The following CFAP47 variants were observed in gnomAD, a reference collection of about 807,000 sequenced individuals.
The protein encoded by CFAP47 is cilia and flagella associated protein 47.
CFAP47 carries 29 observed loss-of-function variants against 148.1 expected under a neutral mutation model. That is an observed-to-expected ratio of 0.20 (90% CI 0.15 to 0.27). The LOEUF is 0.27. CFAP47 is among the 10% of genes least tolerant of loss of function. CFAP47 has a pLI of 1.00. For synonymous variants in CFAP47, 664 were observed against 577.3 expected (o/e 1.15, Z -2.15); for missense variants, 1,872 against 1,697.5 (o/e 1.10, Z -1.81).
chrX:36,098,150 AT>A (rs999977687), intron 30 of CFAP47, among the ~76,000 whole-genome samples: 3 of 111,768 alleles, frequency 2.7e-5, no homozygotes, highest in Non-Finnish European at 5.7e-5. Flanking sequence ...TTCCTACTTG[AT>A]TTTTTTAAAT....
chrX:36,340,415 C>T (rs185615223), intron 57 of CFAP47, among the ~76,000 whole-genome samples: 2 of 111,911 alleles, frequency 1.8e-5, no homozygotes, highest in African/African-American at 6.5e-5. Flanking sequence ...GACTGAGTGA[C>T]TTAAATGAAA....
intron 56 of CFAP47, among the ~76,000 whole-genome samples, chrX:36,318,275 G>T (rs188445431): frequency 8.9e-6 from 1 of 112,290 alleles, no homozygotes; most frequent in East Asian, 2.8e-4. Flanking sequence ...AATGTAAGTA[G>T]AGCTTATCTT....
At chrX:36,299,226 T>C in intron 52 of CFAP47, 74 bp downstream of exon 52, 8 of 613,477 alleles carry the variant, frequency 1.3e-5, no homozygotes, top group Non-Finnish European at 1.8e-5. Context: ...TTTTTTCTTA[T>C]ACTATAATCA....
At chrX:35,982,884 G>C (rs1936665250) in intron 15 of CFAP47, among the ~76,000 whole-genome samples, 2 of 111,488 alleles carry the variant, frequency 1.8e-5, no homozygotes, top group Non-Finnish European at 3.8e-5. Context: ...TTTGAAGTTG[G>C]ATAATGTGAT....
chrX:36,385,289 G>A lies in CFAP47; in HGVS notation c.*283G>A, dbSNP rs991847086. The A allele has an allele frequency of 6.1e-5, 14 of 230,678 alleles. No homozygotes were observed. The highest frequency in any genetic ancestry group is 1.2e-4 in the African/African-American group (4 of 34,333). 19.0% of individuals were successfully genotyped at this position (230,678 alleles called of 1,213,427 possible). A position where few individuals can be genotyped will look rare whatever the true frequency, so the allele number is the denominator to read the frequency against. ...TGACAACAGTATTTCCAATAACAGC[G>A]TTGCTAATAAAGCTAAATGTCTCAT... On this transcript the variant is annotated 3_prime_UTR_variant, in exon 64 of 64. Coordinates refer to ENST00000378653, the MANE Select transcript of CFAP47 (RefSeq NM_001304548.2).
chrX:36,241,952 C>G (rs782789158), intron 48 of CFAP47, among the ~76,000 whole-genome samples: 10 of 111,705 alleles, frequency 9.0e-5, no homozygotes, highest in Non-Finnish European at 1.7e-4. Context: ...TCCCCACCCT[C>G]TCCCACCACA....
chrX:36,373,870 G>T (rs1556022402), intron 62 of CFAP47, among the ~76,000 whole-genome samples: 1 of 112,071 alleles, frequency 8.9e-6, no homozygotes, highest in Non-Finnish European at 1.9e-5. Flanking sequence ...CACGTTGATT[G>T]ATTTGCATAT....
At chrX:36,030,094 A>G (rs1307733311) in intron 22 of CFAP47, among the ~76,000 whole-genome samples, 4 of 110,170 alleles carry the variant, frequency 3.6e-5, no homozygotes, top group African/African-American at 1.3e-4. Flanking sequence ...GCTCATGTTT[A>G]TTAATACCTC....
chrX:36,250,544 G>A (rs1193997818), intron 48 of CFAP47, among the ~76,000 whole-genome samples: 1 of 110,418 alleles, frequency 9.1e-6, no homozygotes, highest in African/African-American at 3.3e-5. Flanking sequence ...TTCTTGAAAA[G>A]AGCTGAGAGA....
intron 32 of CFAP47, among the ~76,000 whole-genome samples, chrX:36,103,083 A>G (rs1029575292): frequency 9.0e-6 from 1 of 111,308 alleles, no homozygotes; most frequent in African/African-American, 3.3e-5. Flanking sequence ...ACTTAGAAAA[A>G]GAGCACTTTT....
chrX:35,958,348 C>T (rs769640523), intron 8 of CFAP47, among the ~76,000 whole-genome samples: 2 of 111,528 alleles, frequency 1.8e-5, no homozygotes, highest in Non-Finnish European at 3.8e-5. Context: ...CATTCATGTA[C>T]AACTTTTTGT....
intron 49 of CFAP47, among the ~76,000 whole-genome samples, chrX:36,280,196 G>A (rs1941063448): frequency 9.0e-6 from 1 of 110,969 alleles, no homozygotes; most frequent in Non-Finnish European, 1.9e-5. Flanking sequence ...TATTCTGAAA[G>A]TTGATGCATT....
At chrX:36,038,516 T>C (rs1044996851) in intron 24 of CFAP47, among the ~76,000 whole-genome samples, 1 of 111,888 alleles carries the variant, frequency 8.9e-6, no homozygotes, top group African/African-American at 3.2e-5. Flanking sequence ...ACCCTGGTAG[T>C]ATTTCTTAAA....
intron 57 of CFAP47, among the ~76,000 whole-genome samples, chrX:36,337,660 G>T (rs1366606078): frequency 2.7e-5 from 3 of 110,786 alleles, no homozygotes; most frequent in Middle Eastern, 4.7e-3. Context: ...CAAAACAGAG[G>T]CAAATTATCT....
At chrX:35,949,533 A>G (rs772627426) in intron 4 of CFAP47, among the ~76,000 whole-genome samples, 8 of 111,856 alleles carry the variant, frequency 7.2e-5, no homozygotes, top group Non-Finnish European at 1.5e-4. Flanking sequence ...GACTGATTGT[A>G]GCAAAGGAAG....
chrX:36,359,953 CTG>C (rs1456497997), intron 60 of CFAP47, among the ~76,000 whole-genome samples: 1 of 110,715 alleles, frequency 9.0e-6, no homozygotes, highest in Non-Finnish European at 1.9e-5. Context: ...CGGGGTTTCA[CTG>C]TGTTAGCCAG....
chrX:35,966,348 A>ATATTAGCTGCT (rs1936405136), intron 8 of CFAP47, among the ~76,000 whole-genome samples: 2 of 108,669 alleles, frequency 1.8e-5, no homozygotes, highest in Admixed American at 9.8e-5. Context: ...TATTTAAGAA[A>ATATTAGCTGCT]AATAAAAAAT....
intron 40 of CFAP47, among the ~76,000 whole-genome samples, chrX:36,187,456 T>A (rs1221603938): frequency 8.9e-6 from 1 of 111,852 alleles, no homozygotes; most frequent in African/African-American, 3.2e-5. Flanking sequence ...ATCTGTATAT[T>A]TTAATCAGGC....
At chrX:36,354,305 C>A (rs1308287249) in intron 60 of CFAP47, among the ~76,000 whole-genome samples, 1 of 108,623 alleles carries the variant, frequency 9.2e-6, no homozygotes, top group Non-Finnish European at 1.9e-5. Context: ...CATAGAGAAA[C>A]CCCGTCTCTA....
Sources: gnomAD v4.1 joint callset for allele counts (sites outside exome capture counted in the v4.1 genomes callset) on GRCh38, gnomAD v4.1.1 for gene constraint, MANE v1.5 for transcripts, NCBI Gene and HGNC (gene_info 2026-07-23, HGNC 2026-07-21) for gene names.